Variants in TDRD12 observed in about 807,000 individuals in gnomAD.
TDRD12 encodes tudor domain containing 12, also known as putative ATP-dependent RNA helicase TDRD12.
In TDRD12, 158 loss-of-function variants were observed where a neutral mutation model predicts 133.5. That is an observed-to-expected ratio of 1.18 (90% CI 1.04 to 1.35). The LOEUF (loss-of-function observed/expected upper bound fraction) is 1.35. Ranked by LOEUF, TDRD12 falls within the 40% of genes most tolerant of loss-of-function variation. The pLI is 0.00. For missense variants in TDRD12, 1,443 were observed against 1,321.3 expected (o/e 1.09, Z -1.43); for synonymous variants, 460 against 477.9 (o/e 0.96, Z 0.49).
At chr19:32,776,534 C>A (rs965808731) in intron 10 of TDRD12, among the ~76,000 whole-genome samples, 11 of 152,184 alleles carry the variant, frequency 7.2e-5, no homozygotes, top group African/African-American at 2.7e-4. Context: ...GAGATTCTGG[C>A]GTCTGCACCT....
chr19:32,783,895 A>G (rs1330559003), intron 11 of TDRD12, among the ~76,000 whole-genome samples: 1 of 152,226 alleles, frequency 6.6e-6, no homozygotes, highest in Non-Finnish European at 1.5e-5. Context: ...ATATGCAATC[A>G]TGTCATCTGC....
Position 32,802,790 on chromosome 19 carries a change from G to A in TDRD12, c.2331+1G>A. 1 of 1,536,642 alleles carries A rather than the reference G, an allele frequency of 6.5e-7. No individual in the cohort carries two copies. Among genetic ancestry groups the A allele is most frequent in the Non-Finnish European group, 8.7e-7 (1 of 1,147,008 alleles). The stretch of plus-strand genomic sequence containing the variant: ...GTCTGATCATTTTCACGCTGAACAG[G>A]TTTGGTGAATTTTTATTCTCTTCCA... On this transcript the variant is annotated splice_donor_variant, in intron 20 of 27. Coordinates refer to ENST00000444215, the Ensembl canonical transcript of TDRD12. LOFTEE classifies it high-confidence loss of function.
intron 23 of TDRD12, 124 bp from the exon 24 acceptor site, chr19:32,811,086 T>C (rs754330676): frequency 1.8e-5 from 13 of 726,718 alleles, no homozygotes; most frequent in Non-Finnish European, 2.9e-5. Context: ...TTTTTATTTC[T>C]AGTATAGAGT....
intron 14 of TDRD12, among the ~76,000 whole-genome samples, chr19:32,796,777 C>T (rs1599598566): frequency 1.3e-5 from 2 of 152,148 alleles, no homozygotes; most frequent in Non-Finnish European, 2.9e-5. Flanking sequence ...CCCCAGCTTT[C>T]TCCACGCCTC....
chr19:32,720,120 A>C, intron 1 of TDRD12, 24 bp downstream of exon 1: 1 of 1,544,128 alleles, frequency 6.5e-7, no homozygotes, highest in Admixed American at 2.0e-5. Context: ...AGCCAGACCC[A>C]CGCCAGACCC....
chr19:32,765,631 C>T (rs1197877662), intron 8 of TDRD12, among the ~76,000 whole-genome samples: 7 of 151,552 alleles, frequency 4.6e-5, no homozygotes, highest in Non-Finnish European at 7.4e-5. Context: ...AGCAAACTAT[C>T]GCAAGGACAA....
At chr19:32,749,643 A>T (rs538321734) in intron 5 of TDRD12, 141 bp from the exon 6 acceptor site, 8 of 602,684 alleles carry the variant, frequency 1.3e-5, no homozygotes, top group Non-Finnish European at 2.0e-5. Context: ...TTTTCCTAAC[A>T]TGCTCCCCCT....
At chr19:32,749,378 G>A (rs575707738) in intron 5 of TDRD12, among the ~76,000 whole-genome samples, 5 of 152,256 alleles carry the variant, frequency 3.3e-5, no homozygotes, top group East Asian at 1.9e-4. Context: ...AGAACTCAGC[G>A]AAAGAAGGTT....
Position 32,797,910 on chromosome 19 carries a change from C to T in TDRD12, c.1630+19C>T, listed in dbSNP as rs541924701. On this transcript the variant is annotated intron_variant, in intron 15 of 27. Coordinates refer to ENST00000444215, the Ensembl canonical transcript of TDRD12. The stretch of plus-strand genomic sequence containing the variant: ...AGGGGCTGTAAGTATCCTTTTCAAG[C>T]GGCTATAAAAGTTAAAGTATCCTTT... The T allele has an allele frequency of 3.6e-5, 24 of 675,812 alleles. No individual in the cohort carries two copies. Among genetic ancestry groups the T allele is most frequent in the East Asian group, 3.2e-4 (12 of 37,062 alleles). 41.9% of individuals were successfully genotyped at this position (675,812 alleles called of 1,614,324 possible). A position where few individuals can be genotyped will look rare whatever the true frequency, so the allele number is the denominator to read the frequency against.
intron 8 of TDRD12, among the ~76,000 whole-genome samples, chr19:32,761,541 G>C (rs879593574): frequency 6.6e-6 from 1 of 152,118 alleles, no homozygotes; most frequent in Non-Finnish European, 1.5e-5. Context: ...ATGTGTTCTG[G>C]ATTTTGGTCA....
intron 14 of TDRD12, among the ~76,000 whole-genome samples, chr19:32,796,957 G>C (rs1402762295): frequency 6.6e-6 from 1 of 151,618 alleles, no homozygotes; most frequent in Non-Finnish European, 1.5e-5. Flanking sequence ...TCAGAAGATA[G>C]TGTCCTAAGG....
At chr19:32,780,079 C>A (rs865968300) in intron 11 of TDRD12, among the ~76,000 whole-genome samples, 178 of 119,150 alleles carry the variant, frequency 1.5e-3, no homozygotes, top group African/African-American at 5.6e-3. Flanking sequence ...TTCTTTTTTT[C>A]TTTTCTTTTT....
chr19:32,827,357 TTTTTC>T lies in TDRD12; in HGVS notation c.*206_*210del, dbSNP rs1359617210. On this transcript the variant is annotated 3_prime_UTR_variant, in exon 10 of 10. Transcript: ENST00000637289. ...GAAAACAGTCAGTCATAACCAAATCTTTTTCTTTTCTTTTCTTTTTTTTTTTTTTT... is the reference window on the plus strand; with the variant it reads ...GAAAACAGTCAGTCATAACCAAATCTTTTTCTTTTCTTTTTTTTTTTTTTT... The T allele has an allele frequency of 5.4e-4, 197 of 363,772 alleles. 1 individual carries two copies. The highest frequency in any genetic ancestry group is 4.1e-3 in the South Asian group (27 of 6,660). 22.5% of individuals were successfully genotyped at this position (363,772 alleles called of 1,614,324 possible).
intron 10 of TDRD12, among the ~76,000 whole-genome samples, chr19:32,776,051 C>T (rs551880554): frequency 6.6e-6 from 1 of 152,290 alleles, no homozygotes; most frequent in Admixed American, 6.5e-5. Flanking sequence ...CTCGATGCTG[C>T]CTGGGGCCTG....
At chr19:32,809,521 A>C (rs1966924273) in intron 22 of TDRD12, among the ~76,000 whole-genome samples, 1 of 151,976 alleles carries the variant, frequency 6.6e-6, no homozygotes, top group Non-Finnish European at 1.5e-5. Flanking sequence ...CCCTCCCTTC[A>C]CACAGAGCGT....
chr19:32,745,762 TGA>T lies in TDRD12; in HGVS notation c.441-2703_441-2702del, dbSNP rs1279764352. Among the ~76,000 whole-genome samples the T allele has an allele frequency of 2.9e-4, 32 of 109,758 alleles. 2 individuals carry two copies. Among genetic ancestry groups the T allele is most frequent in the African/African-American group, 1.3e-3 (29 of 23,132 alleles). 72.0% of individuals were successfully genotyped at this position (109,758 alleles called of 152,430 possible). On this transcript the variant is annotated intron_variant, in intron 4 of 27. Transcript: ENST00000444215. ...CTGATGTGGTTATTCTGTGTGTGTG[TGA>T]GAGAGAGAGACTGGCTGATGTCATT... is the stretch of plus-strand genomic sequence containing the variant.
At chr19:32,777,200 A>G in exon 11 of TDRD12, 1 of 1,543,704 alleles carries the variant, frequency 6.5e-7, no homozygotes, top group Non-Finnish European at 8.7e-7. Context: ...CTGAGAAGAA[A>G]GAATATGATG....
At chr19:32,730,490 T>C (rs1006979340) in intron 1 of TDRD12, among the ~76,000 whole-genome samples, 4 of 152,200 alleles carry the variant, frequency 2.6e-5, no homozygotes, top group African/African-American at 9.6e-5. Flanking sequence ...TTCCAGGGTT[T>C]ATTATTGTTA....
intron 23 of TDRD12, among the ~76,000 whole-genome samples, 158 bp downstream of exon 23, chr19:32,810,435 G>A (rs1966964082): frequency 6.6e-6 from 1 of 152,188 alleles, no homozygotes. Flanking sequence ...TTCTTTGTGG[G>A]AAACTCTTCC....
Sources: allele counts gnomAD v4.1 joint callset (sites outside exome capture counted in the v4.1 genomes callset), GRCh38; gene constraint gnomAD v4.1.1; transcripts MANE v1.5; gene names NCBI Gene and HGNC (gene_info 2026-07-23, HGNC 2026-07-21).